Variants in NSD1 observed in about 807,000 individuals in gnomAD.
The protein encoded by NSD1 is nuclear receptor binding SET domain protein 1.
In NSD1, 26 loss-of-function variants were observed where a neutral mutation model predicts 242.7. The observed-to-expected ratio is 0.11, with a 90% CI of 0.08 to 0.15. NSD1 has a LOEUF of 0.15. Among genes scored for constraint, NSD1 ranks in the 10% least tolerant of loss-of-function variants. The probability of loss-of-function intolerance (pLI) is 1.00; values close to 1 mark genes in which losing one functional copy is unlikely to be tolerated. For synonymous variants in NSD1, 1,106 were observed against 1,178.1 expected (o/e 0.94, Z 1.25); for missense variants, 2,495 against 3,272.8 (o/e 0.76, Z 5.80).
chr5:177,249,460 T>TTAA (rs1562257000), intron 11 of NSD1, among the ~76,000 whole-genome samples: 9 of 147,788 alleles, frequency 6.1e-5, no homozygotes, highest in Non-Finnish European at 1.2e-4. Context: ...TAATTAATTA[T>TTAA]TTATTTATTT....
At chr5:177,155,795 T>G (rs1758081082) in intron 2 of NSD1, among the ~76,000 whole-genome samples, 1 of 151,960 alleles carries the variant, frequency 6.6e-6, no homozygotes, top group Non-Finnish European at 1.5e-5. Context: ...AAGCAATTCT[T>G]CTGCCTCAGC....
rs115536144 is a variant in NSD1 at position 177,168,943 on chromosome 5, G to A, written c.928-22941G>A. Among the ~76,000 whole-genome samples, 651 of 152,274 alleles carry A rather than the reference G, an allele frequency of 4.3e-3. 3 individuals are homozygous for A. The highest frequency in any genetic ancestry group is 0.014 in the African/African-American group (594 of 41,562). Reference sequence around the variant, plus strand: ...AATATGGAGGATGAGGCAAAACTTCGTAGCCTAATTTGTTCAACTTTTGAA... The same window carrying A: ...AATATGGAGGATGAGGCAAAACTTCATAGCCTAATTTGTTCAACTTTTGAA... On this transcript the variant is annotated intron_variant, in intron 2 of 22. Coordinates refer to ENST00000439151, the MANE Select transcript of NSD1 (RefSeq NM_022455.5).
At chr5:177,142,968 C>T (rs900348109) in intron 2 of NSD1, among the ~76,000 whole-genome samples, 1 of 152,318 alleles carries the variant, frequency 6.6e-6, no homozygotes, top group South Asian at 2.1e-4. Flanking sequence ...GCTCCATACT[C>T]TCCCCTTGCT....
intron 2 of NSD1, among the ~76,000 whole-genome samples, chr5:177,178,071 A>T (rs528130157): frequency 6.6e-6 from 1 of 150,834 alleles, no homozygotes; most frequent in East Asian, 2.0e-4. Context: ...ATTTTTTTGT[A>T]TTTTTAGTAG....
In NSD1 at chr5:177,269,891, C is replaced by G. The variant is rs1337252182; in HGVS notation, c.5509+84C>G. 2.4e-6 allele frequency: 3 copies of G among 1,233,230 alleles called. No homozygotes were observed. The highest frequency in any genetic ancestry group is 1.5e-5 in the African/African-American group (1 of 66,500). The allele number at this position is 1,233,230 out of a possible 1,614,324, so 76.4% of individuals were successfully genotyped here. On this transcript the variant is annotated intron_variant, in intron 16 of 22. Coordinates refer to ENST00000439151, the MANE Select transcript of NSD1 (RefSeq NM_022455.5). The surrounding 1 kb of genome is among the most constrained non-coding windows in gnomAD (Gnocchi z 5.1). ...ATCTGTTTTAGAATTCACATATGCTCCATTTTGAAACTGCCTTTGTCCTCT... is the reference window on the plus strand; with the variant it reads ...ATCTGTTTTAGAATTCACATATGCTGCATTTTGAAACTGCCTTTGTCCTCT...
At chr5:177,262,114 C>G (rs1326106396) in intron 14 of NSD1, among the ~76,000 whole-genome samples, 1 of 152,106 alleles carries the variant, frequency 6.6e-6, no homozygotes, top group Non-Finnish European at 1.5e-5. Context: ...GATTAAAGCC[C>G]TTGCACAGTG....
rs553111593 is a variant in NSD1, at chr5:177,171,353, C to T, written c.928-20531C>T. Reference sequence around the variant, plus strand: ...GTACGCTTTAGTTACCATCCTCCTACACCTTAACTTCCCTGCCCCTAAGTA... The same window carrying T: ...GTACGCTTTAGTTACCATCCTCCTATACCTTAACTTCCCTGCCCCTAAGTA... On this transcript the variant is annotated intron_variant, in intron 2 of 22. Transcript: ENST00000439151. Among the ~76,000 whole-genome samples, 5 of 152,086 alleles carry T rather than the reference C, an allele frequency of 3.3e-5. No homozygotes were observed. The South Asian group carries it at 1.0e-3, about 32-fold the overall frequency.
rs908516618 is a variant in NSD1, at chr5:177,252,545, T to C, written c.4765+692T>C. ...TGCGCTAAAGTAAAGTGTTCTTTTT[T>C]TTTTTTTTTTTTTTTTTTTTTTTTA... On this transcript the variant is annotated intron_variant, in intron 12 of 22. Transcript: ENST00000439151. 3.3e-5 allele frequency among the ~76,000 whole-genome samples: 4 copies of C among 122,374 alleles called. No individual in the cohort carries two copies. The East Asian group carries it at 8.7e-4, about 27-fold the overall frequency. The allele number at this position is 122,374 out of a possible 152,430, so 80.3% of individuals were successfully genotyped here.
At chr5:177,276,518 G>T (rs1209883232) in intron 17 of NSD1, among the ~76,000 whole-genome samples, 3 of 152,084 alleles carry the variant, frequency 2.0e-5, no homozygotes, top group African/African-American at 7.2e-5. Flanking sequence ...TAGAGATGGG[G>T]TTTCACCATG....
At chr5:177,163,551 C>CA (rs1758931772) in intron 2 of NSD1, among the ~76,000 whole-genome samples, 1 of 152,196 alleles carries the variant, frequency 6.6e-6, no homozygotes, top group Admixed American at 6.6e-5. Flanking sequence ...TTGCCTTAGA[C>CA]AAAGAACCTC....
intron 14 of NSD1, 106 bp downstream of exon 14, chr5:177,260,274 A>C (rs1756881714): frequency 9.5e-7 from 1 of 1,048,402 alleles, no homozygotes; most frequent in Non-Finnish European, 1.4e-6. Context: ...AAAAAATATT[A>C]GAAATGATAC....
upstream of NSD1, among the ~76,000 whole-genome samples, chr5:177,132,727 C>T (rs1227135931): frequency 6.6e-6 from 1 of 151,912 alleles, no homozygotes; most frequent in Non-Finnish European, 1.5e-5. This position sits in a 1 kb window ranked among gnomAD's most constrained non-coding sequence, Gnocchi z 7.5. Flanking sequence ...GCCGGGCGAG[C>T]AGTGCCGGGG....
intron 13 of NSD1, among the ~76,000 whole-genome samples, chr5:177,257,693 G>T (rs1756602975): frequency 6.6e-6 from 1 of 152,164 alleles, no homozygotes; most frequent in Non-Finnish European, 1.5e-5. Context: ...ACACAATGTG[G>T]TCGTGTGGTA....
At position 177,251,858 on chromosome 5, in the gene NSD1, A is replaced by G; in HGVS notation, c.4765+5A>G. 1 of 1,614,220 alleles carries G rather than the reference A, an allele frequency of 6.2e-7. No homozygotes were observed. The highest frequency in any genetic ancestry group is 1.1e-5 in the South Asian group (1 of 91,084). ...TCTGCAATGAATGTCGCACAGGTAA[A>G]GTAGATATCGAACGGTCTTCCTCCA... On this transcript the variant is annotated splice_donor_5th_base_variant and intron_variant, in intron 12 of 22. Coordinates refer to ENST00000439151, the MANE Select transcript of NSD1 (RefSeq NM_022455.5).
chr5:177,214,005 C>G (rs1217813574), intron 5 of NSD1, among the ~76,000 whole-genome samples: 2 of 151,762 alleles, frequency 1.3e-5, no homozygotes, highest in African/African-American at 4.8e-5. Context: ...GGGTCTGGCT[C>G]TGTTGCCCAG....
chr5:177,266,364 G>T, intron 14 of NSD1: 1 of 685,594 alleles, frequency 1.5e-6, no homozygotes, highest in East Asian at 3.1e-5. Context: ...TTGCGGGCCC[G>T]GCCTTGGCGG....
At chr5:177,190,176 C>T (rs1761550611) in intron 2 of NSD1, among the ~76,000 whole-genome samples, 1 of 152,182 alleles carries the variant, frequency 6.6e-6, no homozygotes, top group African/African-American at 2.4e-5. Context: ...AGGCTGATCT[C>T]AGACTCCTAG....
In NSD1 at chr5:177,269,631, G is replaced by A. The variant is rs765594077; in HGVS notation, c.5333G>A (p.Arg1778Gln). 1.9e-6 allele frequency: 3 copies of A among 1,613,900 alleles called. No individual in the cohort carries two copies. Among genetic ancestry groups the A allele is most frequent in the South Asian group, 1.1e-5 (1 of 91,066 alleles). The stretch of plus-strand genomic sequence containing the variant: ...TGGCCAGCTGAGATCTGCCATCCTC[G>A]AGCTGTTCCTTCCAACATTGATAAG... ...RWWPAEICHP[R>Q]AVPSNIDKMR... The change falls in exon 16 of 23, where the codon CGA becomes CAA. Residue 1778 changes from arginine to glutamine, a missense_variant. Physicochemically the swap from Arg to Gln is conservative, Grantham distance 43 (BLOSUM62 1). Coordinates refer to ENST00000439151, the MANE Select transcript of NSD1 (RefSeq NM_022455.5). This position sits in a 1 kb window ranked among gnomAD's most constrained non-coding sequence, Gnocchi z 5.1.
rs2149904687 is a variant in NSD1 at position 177,251,862 on chromosome 5, G to C, written c.4765+9G>C. On this transcript the variant is annotated intron_variant, in intron 12 of 22. Transcript: ENST00000439151. ...CAATGAATGTCGCACAGGTAAAGTAGATATCGAACGGTCTTCCTCCAAAGA... is the reference window on the plus strand; with the variant it reads ...CAATGAATGTCGCACAGGTAAAGTACATATCGAACGGTCTTCCTCCAAAGA... The C allele has an allele frequency of 6.2e-7, 1 of 1,614,136 alleles. No homozygotes were observed. The highest frequency in any genetic ancestry group is 1.1e-5 in the South Asian group (1 of 91,084).
Sources: gnomAD v4.1 joint callset for allele counts (sites outside exome capture counted in the v4.1 genomes callset) on GRCh38, gnomAD v4.1.1 for gene constraint, Gnocchi (gnomAD v3.1) non-coding constraint, MANE v1.5 for transcripts, NCBI Gene and HGNC (gene_info 2026-07-23, HGNC 2026-07-21) for gene names.